The following PPP2R5E variants were observed in gnomAD, a reference collection of about 807,000 sequenced individuals.
PPP2R5E encodes the protein serine/threonine-protein phosphatase 2A 56 kDa regulatory subunit epsilon isoform.
Under a neutral mutation model 65.3 loss-of-function variants are expected in PPP2R5E, and 4 were observed. That is an observed-to-expected ratio of 0.06 (90% confidence interval 0.03 to 0.14). PPP2R5E has a LOEUF of 0.14. Among genes scored for constraint, PPP2R5E ranks in the 10% least tolerant of loss-of-function variants. The pLI, the probability that PPP2R5E is intolerant of heterozygous loss-of-function variation, is 1.00. For missense variants in PPP2R5E, 274 were observed against 556.1 expected, an observed-to-expected ratio of 0.49 and a Z score of 5.10; for synonymous variants, 183 against 187.4, an observed-to-expected ratio of 0.98 and a Z score of 0.19.
intron 13 of PPP2R5E, among the ~76,000 whole-genome samples, chr14:63,378,857 T>G (rs1300949932): frequency 1.3e-5 from 2 of 152,224 alleles, no homozygotes; most frequent in East Asian, 3.8e-4. Flanking sequence ...ATTAACTTCT[T>G]GCCATCCTGA....
At chr14:63,497,117 A>G (rs1210098646) in intron 2 of PPP2R5E, among the ~76,000 whole-genome samples, 3 of 151,960 alleles carry the variant, frequency 2.0e-5, no homozygotes, top group Non-Finnish European at 4.4e-5. Context: ...AAGTTTTCCC[A>G]TTTTCCCATG....
At chr14:63,423,241 G>A (rs765277342) in intron 3 of PPP2R5E, among the ~76,000 whole-genome samples, 5 of 152,080 alleles carry the variant, frequency 3.3e-5, no homozygotes, top group Non-Finnish European at 7.4e-5. Flanking sequence ...GATTACAGGC[G>A]CATGCCACCA....
At chr14:63,521,938 GCCCTCC>G (rs759268189) in intron 2 of PPP2R5E, among the ~76,000 whole-genome samples, 3,260 of 131,082 alleles carry the variant, frequency 0.025, 61 homozygotes, top group South Asian at 0.06. Context: ...GTTACACGCT[GCCCTCC>G]CCCTCCCCCT....
chr14:63,540,468 C>A (rs1893853159), intron 1 of PPP2R5E, among the ~76,000 whole-genome samples: 1 of 146,424 alleles, frequency 6.8e-6, no homozygotes, highest in East Asian at 2.0e-4. Context: ...CAGTGGCACA[C>A]ACCCGTAATC....
intron 2 of PPP2R5E, among the ~76,000 whole-genome samples, chr14:63,522,205 C>A (rs1204911765): frequency 1.3e-5 from 2 of 152,020 alleles, no homozygotes; most frequent in Non-Finnish European, 2.9e-5. Context: ...CTCGGCCTCC[C>A]GAGGTGCCGG....
chr14:63,500,475 T>C (rs1438740937), intron 2 of PPP2R5E, among the ~76,000 whole-genome samples: 1 of 152,200 alleles, frequency 6.6e-6, no homozygotes, highest in East Asian at 1.9e-4. Context: ...GACAAAATAA[T>C]AAAACTGATA....
At chr14:63,472,389 C>A (rs982884340) in intron 2 of PPP2R5E, among the ~76,000 whole-genome samples, 1 of 152,178 alleles carries the variant, frequency 6.6e-6, no homozygotes, top group Non-Finnish European at 1.5e-5. Context: ...CCAGCCTTCT[C>A]CTTTGCACTA....
intron 2 of PPP2R5E, among the ~76,000 whole-genome samples, chr14:63,513,346 A>G (rs1164270631): frequency 1.3e-5 from 2 of 152,190 alleles, no homozygotes; most frequent in African/African-American, 4.8e-5. Flanking sequence ...TGCCCAGCAA[A>G]ATGAAGAACT....
intron 3 of PPP2R5E, among the ~76,000 whole-genome samples, chr14:63,439,554 A>G (rs185671504): frequency 7.2e-4 from 110 of 152,162 alleles, no homozygotes; most frequent in African/African-American, 2.6e-3. Context: ...TTGTATTTTT[A>G]GTAGAGACGG....
At chr14:63,512,888 T>G (rs990967867) in intron 2 of PPP2R5E, among the ~76,000 whole-genome samples, 4 of 152,136 alleles carry the variant, frequency 2.6e-5, no homozygotes, top group African/African-American at 9.7e-5. Flanking sequence ...TATTATATAT[T>G]GAGTTTTAAA....
intron 3 of PPP2R5E, among the ~76,000 whole-genome samples, chr14:63,433,695 G>T (rs1293211307): frequency 6.6e-6 from 1 of 152,184 alleles, no homozygotes; most frequent in African/African-American, 2.4e-5. Flanking sequence ...TCAGTGTTCT[G>T]CTGGGATTTG....
intron 2 of PPP2R5E, among the ~76,000 whole-genome samples, chr14:63,496,264 A>ATC (rs1891562027): frequency 6.6e-6 from 1 of 151,978 alleles, no homozygotes; most frequent in Non-Finnish European, 1.5e-5. Flanking sequence ...GCACTTTGGG[A>ATC]GGCCAAGGCA....
intron 5 of PPP2R5E, among the ~76,000 whole-genome samples, chr14:63,398,784 C>T (rs1048652764): frequency 2.0e-5 from 3 of 151,914 alleles, no homozygotes; most frequent in African/African-American, 7.3e-5. Flanking sequence ...AGGAAGACTC[C>T]ATCTCAGAAA....
intron 5 of PPP2R5E, among the ~76,000 whole-genome samples, chr14:63,409,827 G>A (rs1213888414): frequency 6.6e-6 from 1 of 152,146 alleles, no homozygotes; most frequent in Non-Finnish European, 1.5e-5. Context: ...GTTATCCCAT[G>A]TCATGAATCA....
chr14:63,540,508 A>G (rs1348418308), intron 1 of PPP2R5E, among the ~76,000 whole-genome samples: 1 of 150,434 alleles, frequency 6.6e-6, no homozygotes, highest in Non-Finnish European at 1.5e-5. Context: ...TCAGGTTGGG[A>G]GTTCGAGACC....
At chr14:63,405,264 ATT>A (rs1885996915) in intron 5 of PPP2R5E, among the ~76,000 whole-genome samples, 1 of 152,194 alleles carries the variant, frequency 6.6e-6, no homozygotes, top group Non-Finnish European at 1.5e-5. Context: ...AAATGTAAAC[ATT>A]TTGACATATT....
intron 11 of PPP2R5E, among the ~76,000 whole-genome samples, chr14:63,388,128 CCTTT>C (rs1263869354): frequency 1.4e-5 from 2 of 141,356 alleles, no homozygotes; most frequent in Non-Finnish European, 3.0e-5. Flanking sequence ...TTTTTTTTCT[CCTTT>C]CTTTTTTCTT....
intron 2 of PPP2R5E, among the ~76,000 whole-genome samples, chr14:63,492,637 T>C (rs17101244): frequency 0.016 from 2,496 of 152,230 alleles, 81 homozygotes; most frequent in African/African-American, 0.057. Context: ...TTGGGTTTCT[T>C]GTATGATGGC....
At chr14:63,379,360 T>C (rs1343095867) in intron 13 of PPP2R5E, among the ~76,000 whole-genome samples, 1 of 151,980 alleles carries the variant, frequency 6.6e-6, no homozygotes, top group Non-Finnish European at 1.5e-5. Context: ...CAACCTCCCC[T>C]TCCCGGGTTC....
Sources: gnomAD v4.1 joint callset for allele counts (sites outside exome capture counted in the v4.1 genomes callset) on GRCh38, gnomAD v4.1.1 for gene constraint, MANE v1.5 for transcripts, NCBI Gene and HGNC (gene_info 2026-07-23, HGNC 2026-07-21) for gene names.